RASSF3: variants seen among roughly 807,000 people sequenced by gnomAD.
The protein encoded by RASSF3 is Ras association domain family member 3, also known as ras association domain-containing protein 3.
RASSF3 carries 19 observed loss-of-function variants against 19.9 expected under a neutral mutation model. The ratio of observed to expected loss-of-function variants is 0.96; its 90% CI spans 0.67 to 1.40. The LOEUF is 1.40. RASSF3 is among the 40% of genes most tolerant of loss of function. The probability of loss-of-function intolerance (pLI) is 0.00; values close to 1 mark genes in which losing one functional copy is unlikely to be tolerated. For synonymous variants in RASSF3, 110 were observed against 104.2 expected, an observed-to-expected ratio of 1.06 and a Z score of -0.34; for missense variants, 306 against 289.8, an observed-to-expected ratio of 1.06 and a Z score of -0.41.
intron 1 of RASSF3, among the ~76,000 whole-genome samples, chr12:64,630,449 T>A (rs538833697): frequency 6.6e-6 from 1 of 152,242 alleles, no homozygotes; most frequent in Admixed American, 6.5e-5. Flanking sequence ...TTGCTTGAGC[T>A]TAGCAGTTTG....
upstream of RASSF3, among the ~76,000 whole-genome samples, chr12:64,528,299 C>T (rs1158583991): frequency 6.6e-6 from 1 of 152,090 alleles, no homozygotes; most frequent in East Asian, 1.9e-4. Flanking sequence ...AAAAAGAAAT[C>T]GATACATAAC....
intron 1 of RASSF3, among the ~76,000 whole-genome samples, chr12:64,534,781 T>C (rs1450806625): frequency 6.6e-6 from 1 of 152,160 alleles, no homozygotes; most frequent in Non-Finnish European, 1.5e-5. Context: ...ACCTGCTTGT[T>C]TGTGGATAGC....
At chr12:64,643,317 TA>T (rs201473359) in intron 1 of RASSF3, among the ~76,000 whole-genome samples, 1 of 152,152 alleles carries the variant, frequency 6.6e-6, no homozygotes, top group Non-Finnish European at 1.5e-5. Flanking sequence ...TTGTTACTGT[TA>T]AAGTGTTAGA....
At chr12:64,571,353 T>G (rs1196253721) in intron 2 of RASSF3, among the ~76,000 whole-genome samples, 1 of 152,208 alleles carries the variant, frequency 6.6e-6, no homozygotes. Context: ...CTGTCGCTTT[T>G]TCAGGACATG....
At chr12:64,573,140 A>G (rs911356025) in intron 2 of RASSF3, among the ~76,000 whole-genome samples, 23 of 152,044 alleles carry the variant, frequency 1.5e-4, no homozygotes, top group African/African-American at 5.3e-4. Flanking sequence ...ATCACTTGAG[A>G]CCAGTTTGAG....
chr12:64,692,440 C>T (rs1439377668), intron 4 of RASSF3, among the ~76,000 whole-genome samples: 3 of 152,272 alleles, frequency 2.0e-5, no homozygotes, highest in Admixed American at 6.5e-5. Context: ...GGCTTTGAGT[C>T]ACAATTAGAA....
chr12:64,550,559 C>G (rs895635337), intron 2 of RASSF3, among the ~76,000 whole-genome samples: 1 of 151,694 alleles, frequency 6.6e-6, no homozygotes. Flanking sequence ...CAGAGGCTGA[C>G]GTAGGAGATT....
At chr12:64,658,286 G>A (rs1242642512) in intron 1 of RASSF3, among the ~76,000 whole-genome samples, 1 of 152,080 alleles carries the variant, frequency 6.6e-6, no homozygotes, top group African/African-American at 2.4e-5. Flanking sequence ...ATGGAATGAA[G>A]ATCCTCCTGG....
rs1480395811 is a variant in RASSF3 at position 64,680,642 on chromosome 12, C to T, written c.112-4145C>T. 2.0e-5 allele frequency among the ~76,000 whole-genome samples: 3 copies of T among 151,950 alleles called. No homozygotes were observed. The East Asian group carries it at 5.8e-4, about 29-fold the overall frequency. On this transcript the variant is annotated intron_variant, in intron 1 of 4. Coordinates refer to ENST00000542104, the MANE Select transcript of RASSF3 (RefSeq NM_178169.4). ...TTTGTTTTTGTTTTTGAGACAGAGT[C>T]TCGCTCTGTCGCCCAGGCTGGAGTG...
At chr12:64,511,933 AT>A (rs1868331115) in intron 1 of RASSF3, among the ~76,000 whole-genome samples, 1 of 152,084 alleles carries the variant, frequency 6.6e-6, no homozygotes, top group Admixed American at 6.6e-5. Context: ...CCCATGTTTT[AT>A]CAGTTAATGA....
chr12:64,521,527 G>A (rs1317534), intron 1 of RASSF3, among the ~76,000 whole-genome samples: 60,353 of 152,062 alleles, frequency 0.4, 12,825 homozygotes, highest in Middle Eastern at 0.54. Flanking sequence ...TTTTAATTTC[G>A]AAAGTCCTCA....
chr12:64,641,017 A>T (rs1195091697), intron 1 of RASSF3, among the ~76,000 whole-genome samples: 2 of 152,066 alleles, frequency 1.3e-5, no homozygotes, highest in African/African-American at 4.8e-5. Flanking sequence ...TTGCATTTTT[A>T]ATAGTCTTAT....
chr12:64,553,915 T>C (rs990627652), intron 2 of RASSF3, among the ~76,000 whole-genome samples: 4 of 146,426 alleles, frequency 2.7e-5, no homozygotes, highest in Non-Finnish European at 4.4e-5. Context: ...AGGCCAAGGC[T>C]GAAGTGAGCT....
chr12:64,639,851 G>A (rs1871453091), intron 1 of RASSF3, among the ~76,000 whole-genome samples: 1 of 152,224 alleles, frequency 6.6e-6, no homozygotes, highest in Non-Finnish European at 1.5e-5. Flanking sequence ...CTACTGGGAG[G>A]AATCAATAAG....
intron 1 of RASSF3, among the ~76,000 whole-genome samples, chr12:64,667,397 G>A (rs943097014): frequency 6.6e-6 from 1 of 152,166 alleles, no homozygotes; most frequent in Non-Finnish European, 1.5e-5. Context: ...CGCCATCTCG[G>A]CTTACTGTAG....
intron 1 of RASSF3, among the ~76,000 whole-genome samples, chr12:64,642,913 T>C (rs1440250773): frequency 4.0e-5 from 6 of 151,628 alleles, no homozygotes; most frequent in Admixed American, 2.0e-4. Context: ...TTGCCCAAGC[T>C]GGAATGCAGT....
In RASSF3 at chr12:64,598,750, A is replaced by T. The variant is rs551338516; in HGVS notation, c.294+57045A>T. 3.6e-3 allele frequency among the ~76,000 whole-genome samples: 530 copies of T among 148,028 alleles called. 2 individuals are homozygous for T. Among genetic ancestry groups the T allele is most frequent in the Non-Finnish European group, 5.1e-3 (340 of 66,542 alleles). On this transcript the variant is annotated intron_variant, in intron 2 of 5. Transcript: ENST00000637125. The stretch of plus-strand genomic sequence containing the variant: ...AGACACAGATTTCTTTTTTTTTTTT[A>T]AATTATACTTTAAGTTCTAGGGTAC...
chr12:64,653,025 C>T (rs1206440311), intron 1 of RASSF3, among the ~76,000 whole-genome samples: 3 of 152,116 alleles, frequency 2.0e-5, no homozygotes, highest in African/African-American at 7.2e-5. Context: ...TTGTCTTCAC[C>T]CAGTATCTTT....
Position 64,617,363 on chromosome 12 carries a change from CTG to C in RASSF3, c.111+6621_111+6622del, listed in dbSNP as rs1433044211. Among the ~76,000 whole-genome samples the C allele has an allele frequency of 7.2e-5, 11 of 152,246 alleles. No individual in the cohort carries two copies. In the South Asian group the frequency reaches 1.0e-3, roughly 14 times the overall value. ...TATGTGCCAGATACTGTTCTAACCT[CTG>C]GGGTTAGGGTGGTGAACAATACACA... On this transcript the variant is annotated intron_variant, in intron 1 of 4. Transcript: ENST00000542104.
Sources: allele counts gnomAD v4.1 joint callset (sites outside exome capture counted in the v4.1 genomes callset), GRCh38; gene constraint gnomAD v4.1.1; transcripts MANE v1.5; gene names NCBI Gene and HGNC (gene_info 2026-07-23, HGNC 2026-07-21).